Variants in DIP2C observed in about 807,000 individuals in gnomAD.
DIP2C encodes DIP2 acetate--CoA ligase C (putative), also known as disco-interacting protein 2 homolog C.
Under a neutral mutation model 192.4 loss-of-function variants are expected in DIP2C, and 33 were observed. The ratio of observed to expected loss-of-function variants is 0.17; its 90% CI spans 0.13 to 0.23. The LOEUF (loss-of-function observed/expected upper bound fraction) is 0.23, where lower values mean the gene tolerates loss of function less well. Among genes scored for constraint, DIP2C ranks in the 10% least tolerant of loss-of-function variants. The probability of loss-of-function intolerance (pLI) is 1.00; values close to 1 mark genes in which losing one functional copy is unlikely to be tolerated. For missense variants in DIP2C, 1,537 were observed against 2,110.1 expected, an observed-to-expected ratio of 0.73 and a Z score of 5.32; for synonymous variants, 979 against 864.1, an observed-to-expected ratio of 1.13 and a Z score of -2.33.
intron 1 of DIP2C, chr10:630,477 G>A (rs891021234): frequency 8.5e-5 from 13 of 152,190 alleles, no homozygotes; most frequent in Non-Finnish European, 1.8e-4. Flanking sequence ...AGAACTCTTC[G>A]ATTTCATTTA....
chr10:330,270 GAAGA>G (rs1267807893), intron 29 of DIP2C, among the ~76,000 whole-genome samples: 4 of 152,082 alleles, frequency 2.6e-5, no homozygotes, highest in Admixed American at 2.6e-4. Flanking sequence ...TTACCAAACA[GAAGA>G]AATAGAGAAA....
intron 3 of DIP2C, among the ~76,000 whole-genome samples, chr10:459,083 A>G (rs1969539473): frequency 6.6e-6 from 1 of 152,192 alleles, no homozygotes; most frequent in African/African-American, 2.4e-5. Flanking sequence ...AAAACCTTAA[A>G]AAGCTTTTGC....
At chr10:552,149 A>G (rs983681825) in intron 1 of DIP2C, among the ~76,000 whole-genome samples, 1 of 152,238 alleles carries the variant, frequency 6.6e-6, no homozygotes, top group Non-Finnish European at 1.5e-5. Context: ...TGTCGATGGC[A>G]GCTCTACCAA....
At chr10:557,875 A>AGGCAGGGGGAGGG (rs1564198000) in intron 1 of DIP2C, among the ~76,000 whole-genome samples, 1 of 40,278 alleles carries the variant, frequency 2.5e-5, no homozygotes, top group African/African-American at 9.2e-5. Flanking sequence ...GCAGGCAGGC[A>AGGCAGGGGGAGGG]GGCAGGGGGA....
chr10:659,650 T>C (rs575263025), intron 1 of DIP2C, among the ~76,000 whole-genome samples: 31 of 152,368 alleles, frequency 2.0e-4, no homozygotes, highest in Non-Finnish European at 1.8e-4. Context: ...ATTCTGCTAA[T>C]TATAGTCAGA....
chr10:484,778 CACCGA>C, intron 2 of DIP2C: 1 of 1,610,338 alleles, frequency 6.2e-7, no homozygotes, highest in Non-Finnish European at 8.5e-7. Context: ...AAGCAGCGCT[CACCGA>C]AACGAAAGTA....
At chr10:517,929 T>C (rs1288487273) in intron 1 of DIP2C, among the ~76,000 whole-genome samples, 1 of 152,236 alleles carries the variant, frequency 6.6e-6, no homozygotes, top group Non-Finnish European at 1.5e-5. Context: ...CAAAGTATTT[T>C]GACTTGAGCC....
intron 17 of DIP2C, among the ~76,000 whole-genome samples, chr10:378,485 A>G (rs912874106): frequency 2.0e-5 from 3 of 152,244 alleles, no homozygotes; most frequent in African/African-American, 7.2e-5. Context: ...ACATGCATAC[A>G]TGTGAACACA....
At chr10:488,186 G>A (rs886235648) in intron 1 of DIP2C, among the ~76,000 whole-genome samples, 1 of 152,158 alleles carries the variant, frequency 6.6e-6, no homozygotes, top group Non-Finnish European at 1.5e-5. Context: ...AAGGGTGGCA[G>A]CACTGAGTAA....
At chr10:519,512 G>A (rs1194816406) in intron 1 of DIP2C, among the ~76,000 whole-genome samples, 2 of 152,164 alleles carry the variant, frequency 1.3e-5, no homozygotes, top group African/African-American at 4.8e-5. Flanking sequence ...ACATACATGG[G>A]ACCTCCATCC....
chr10:565,467 CCAG>C (rs1214672697), intron 1 of DIP2C, among the ~76,000 whole-genome samples: 1 of 152,014 alleles, frequency 6.6e-6, no homozygotes, highest in Admixed American at 6.5e-5. Flanking sequence ...TACAGTCAGC[CCAG>C]AAGATCCCTT....
chr10:500,389 G>A (rs759677832), intron 1 of DIP2C, among the ~76,000 whole-genome samples: 3 of 152,270 alleles, frequency 2.0e-5, no homozygotes, highest in Admixed American at 6.5e-5. Flanking sequence ...TACATGAAGG[G>A]AAAGTGACTG....
intron 4 of DIP2C, chr10:438,053 T>A (rs1017540658): frequency 6.6e-6 from 1 of 152,268 alleles, no homozygotes; most frequent in Non-Finnish European, 1.5e-5. Context: ...CCCCATGTGA[T>A]ATCACAAGGA....
chr10:492,015 C>CA (rs1844483416), intron 1 of DIP2C, among the ~76,000 whole-genome samples: 1 of 152,180 alleles, frequency 6.6e-6, no homozygotes, highest in Non-Finnish European at 1.5e-5. Context: ...AGAGGAATCT[C>CA]AAAATCCCGA....
chr10:423,371 C>T (rs1012661570), intron 4 of DIP2C, among the ~76,000 whole-genome samples: 2 of 152,196 alleles, frequency 1.3e-5, no homozygotes, highest in Non-Finnish European at 2.9e-5. Flanking sequence ...ACAAGGGCCG[C>T]GTTTCCTAGG....
chr10:441,059 C>T, intron 3 of DIP2C, 63 bp from the exon 4 acceptor site: 5 of 1,551,702 alleles, frequency 3.2e-6, no homozygotes, highest in Non-Finnish European at 4.3e-6. Flanking sequence ...AAGCTGCACC[C>T]TCCTCTCTGT....
chr10:676,606 T>C (rs1047000455), intron 1 of DIP2C, among the ~76,000 whole-genome samples: 4 of 151,912 alleles, frequency 2.6e-5, no homozygotes, highest in Non-Finnish European at 4.4e-5. Context: ...AGCATTTCTA[T>C]AGACCAACAA....
At chr10:495,320 A>C (rs1191366597) in intron 1 of DIP2C, among the ~76,000 whole-genome samples, 1 of 152,196 alleles carries the variant, frequency 6.6e-6, no homozygotes, top group East Asian at 1.9e-4. Flanking sequence ...TACAGTTAAT[A>C]ACAATGTACC....
chr10:630,434 G>A (rs1486844925), intron 1 of DIP2C: 2 of 152,190 alleles, frequency 1.3e-5, no homozygotes, highest in African/African-American at 2.4e-5. Flanking sequence ...AAAAAATAAG[G>A]TAACATATTC....
Sources: gnomAD v4.1 joint callset for allele counts (sites outside exome capture counted in the v4.1 genomes callset) on GRCh38, gnomAD v4.1.1 for gene constraint, MANE v1.5 for transcripts, NCBI Gene and HGNC (gene_info 2026-07-23, HGNC 2026-07-21) for gene names.